The following ETFB variants were observed in gnomAD, a reference collection of about 807,000 sequenced individuals.
ETFB encodes beta-ETF.
A neutral mutation model predicts 25.6 loss-of-function variants in ETFB; 20 were observed. That is an observed-to-expected ratio of 0.78 (90% CI 0.55 to 1.14). ETFB has a LOEUF of 1.14. ETFB is among the 50% of genes most tolerant of loss of function. ETFB has a pLI of 0.00. For missense variants in ETFB, 286 were observed against 342.6 expected (o/e 0.83, Z 1.30); for synonymous variants, 142 against 146.7 (o/e 0.97, Z 0.23).
intron 1 of ETFB, among the ~76,000 whole-genome samples, chr19:51,357,490 C>CTTTTT (rs59847031): frequency 1.8e-5 from 2 of 109,140 alleles, no homozygotes; most frequent in South Asian, 3.1e-4. Flanking sequence ...TTCTTTCTTT[C>CTTTTT]TTTTTTTTTT....
At chr19:51,364,762 A>G (rs1986310994) in intron 1 of ETFB, among the ~76,000 whole-genome samples, 1 of 152,206 alleles carries the variant, frequency 6.6e-6, no homozygotes, top group Non-Finnish European at 1.5e-5. Flanking sequence ...TCATTAGGAC[A>G]GGGGGCATTG....
Position 51,366,362 on chromosome 19 carries a change from C to A in ETFB, c.-36G>T. 4 of 1,605,088 alleles carry A rather than the reference C, an allele frequency of 2.5e-6. No individual in the cohort carries two copies. The highest frequency in any genetic ancestry group is 2.6e-6 in the Non-Finnish European group (3 of 1,175,952). On this transcript the variant is annotated 5_prime_UTR_variant, in exon 1 of 6. Coordinates refer to ENST00000309244, the MANE Select transcript of ETFB (RefSeq NM_001985.3). The stretch of plus-strand genomic sequence containing the variant: ...CAGCCACTTACAGGGTCAGCCCGCA[C>A]CCTCAGCGGCTCAGTCCAGAAGCCC...
chr19:51,361,696 G>GT (rs1568470352), intron 1 of ETFB: 1,429 of 125,652 alleles, frequency 0.011, 24 homozygotes, highest in African/African-American at 0.043. Flanking sequence ...GCCTCTCCTG[G>GT]GTTTTTTTTT....
In ETFB at chr19:51,353,250, C is replaced by G. The variant is rs143568332; in HGVS notation, c.257G>C (p.Gly86Ala). ...RTALAMGADRGIHVEVPPAEA... is the reference protein window; with the variant it reads ...RTALAMGADRAIHVEVPPAEA... ...TGCTGGGGGCACCTCCACGTGGATA[C>G]CTCGGTCTGCACCCATGGCCAGGGC... is the stretch of plus-strand genomic sequence containing the variant. The change falls in exon 3 of 6, where the codon GGT becomes GCT. Residue 86 changes from glycine (G) to alanine (A), a missense_variant. Coordinates refer to ENST00000309244, the MANE Select transcript of ETFB (RefSeq NM_001985.3). 1.9e-5 allele frequency: 30 copies of G among 1,613,972 alleles called. No homozygotes were observed. Among genetic ancestry groups the G allele is most frequent in the Non-Finnish European group, 3.4e-6 (4 of 1,180,014 alleles).
intron 4 of ETFB, among the ~76,000 whole-genome samples, chr19:51,349,694 C>T (rs1985884144): frequency 1.3e-5 from 2 of 152,130 alleles, no homozygotes; most frequent in East Asian, 1.9e-4. Flanking sequence ...ATCCTCCCAC[C>T]GTGGCCTCCC....
At chr19:51,350,448 A>T in intron 3 of ETFB, 57 bp from the exon 4 acceptor site, 1 of 935,340 alleles carries the variant, frequency 1.1e-6, no homozygotes, top group African/African-American at 1.6e-5. Context: ...TGGACCATTC[A>T]GGCCTCTGTC....
intron 1 of ETFB, among the ~76,000 whole-genome samples, chr19:51,357,580 C>T (rs919739883): frequency 1.4e-5 from 2 of 147,938 alleles, no homozygotes; most frequent in Non-Finnish European, 3.0e-5. Context: ...ACCTCTGCCT[C>T]CCCAGTTCAA....
intron 1 of ETFB, among the ~76,000 whole-genome samples, chr19:51,358,835 A>ACC (rs1192678258): frequency 6.8e-6 from 1 of 147,508 alleles, no homozygotes; most frequent in Non-Finnish European, 1.5e-5. Flanking sequence ...CAACAACAAA[A>ACC]AAAAAAAAAA....
At chr19:51,362,794 A>C (rs10410352) in intron 1 of ETFB, among the ~76,000 whole-genome samples, 152,152 of 152,274 alleles carry the variant, frequency 1, 76,016 homozygotes, top group Non-Finnish European at 1. Context: ...TCTAGTAGTG[A>C]ACCCACTGTC....
intron 3 of ETFB, among the ~76,000 whole-genome samples, chr19:51,352,244 G>A (rs1985948538): frequency 6.6e-6 from 1 of 152,006 alleles, no homozygotes; most frequent in Non-Finnish European, 1.5e-5. Flanking sequence ...TGCACCTAGT[G>A]CTGATCCCAC....
rs758137319 is a variant in ETFB, at chr19:51,353,144, CA to C, written c.362del (p.Leu121ArgfsTer17). 1 of 1,614,070 alleles carries C rather than the reference CA, an allele frequency of 6.2e-7. No homozygotes were observed. Among genetic ancestry groups the C allele is most frequent in the South Asian group, 1.1e-5 (1 of 91,092 alleles). On this transcript the variant is annotated frameshift_variant, in exon 3 of 6. Transcript: ENST00000309244. LOFTEE classifies it high-confidence loss of function. ...LAEKEKVDLV[L>X]LGKQAIDDDC... ...TGACCACAGCTACCTGTTTGCCCAG[CA>C]GCACCAGGTCCACCTTCTCCTTCTC...
In ETFB at chr19:51,354,304, C is replaced by A. The variant is rs369216610; in HGVS notation, c.62G>T (p.Arg21Leu). 5 of 1,614,002 alleles carry A rather than the reference C, an allele frequency of 3.1e-6. No individual in the cohort carries two copies. In the African/African-American group the frequency reaches 5.3e-5, roughly 17 times the overall value. The change falls in exon 2 of 6, where the codon CGA (arginine) becomes CTA (leucine). Residue 21 changes from arginine to leucine, a missense_variant. Coordinates refer to ENST00000309244, the MANE Select transcript of ETFB (RefSeq NM_001985.3). Reference protein sequence around the residue: ...KRVIDYAVKIRVKPDRTGVVT... With the variant: ...KRVIDYAVKILVKPDRTGVVT... ...CACACCGGTCCTGTCAGGCTTCACT[C>A]GGATCTGCCCAGCAGGAGGGGAAGG...
chr19:51,350,370 GGTTACA>G lies in ETFB; in HGVS notation c.391_396del (p.Cys131_Asn132del). 1 of 1,595,124 alleles carries G rather than the reference GGTTACA, an allele frequency of 6.3e-7. No homozygotes were observed. Among genetic ancestry groups the G allele is most frequent in the East Asian group, 2.2e-5 (1 of 44,780 alleles). Reference sequence around the variant, plus strand: ...AATCCAGCTGTCATCTGCCCTGTCTGGTTACAGTCATCATCGATGGCCTGAATGGGG... The same window carrying G: ...AATCCAGCTGTCATCTGCCCTGTCTGGTCATCATCGATGGCCTGAATGGGG... On this transcript the variant is annotated inframe_deletion, in exon 4 of 6. Coordinates refer to ENST00000309244, the MANE Select transcript of ETFB (RefSeq NM_001985.3).
intron 4 of ETFB, 46 bp from the exon 5 acceptor site, chr19:51,347,104 G>C (rs771139953): frequency 1.5e-5 from 24 of 1,605,618 alleles, no homozygotes; most frequent in Middle Eastern, 1.6e-4. Flanking sequence ...GCTAATTCAG[G>C]TCCGACCCGA....
In ETFB at chr19:51,349,447, C is replaced by CTTTTTT. The variant is rs11428639; in HGVS notation, c.438+876_438+881dup. Among the ~76,000 whole-genome samples the CTTTTTT allele has an allele frequency of 4.5e-5, 6 of 134,226 alleles. 3 individuals carry two copies. Among genetic ancestry groups the CTTTTTT allele is most frequent in the Non-Finnish European group, 6.2e-5 (4 of 64,592 alleles). 88.1% of individuals were successfully genotyped at this position (134,226 alleles called of 152,430 possible). ...TTAAATTTGTCTATGTGCCTTGCTT[C>CTTTTTT]TTTTTTTTTTTTTCTTTTGAGACAG... On this transcript the variant is annotated intron_variant, in intron 4 of 5. Coordinates refer to ENST00000309244, the MANE Select transcript of ETFB (RefSeq NM_001985.3).
chr19:51,359,596 C>T (rs183262016), intron 1 of ETFB, among the ~76,000 whole-genome samples: 8 of 152,014 alleles, frequency 5.3e-5, no homozygotes, highest in East Asian at 1.9e-4. Flanking sequence ...CACACACACA[C>T]GCACGCACAC....
intron 1 of ETFB, chr19:51,354,571 CCT>C: frequency 6.2e-7 from 1 of 1,614,196 alleles, no homozygotes; most frequent in Non-Finnish European, 8.5e-7. Flanking sequence ...TGTCACTGCT[CCT>C]CTCAGGCCTG....
chr19:51,353,322 C>T (rs1386670023), intron 2 of ETFB, 32 bp from the exon 3 acceptor site: 1 of 1,613,362 alleles, frequency 6.2e-7, no homozygotes, highest in Non-Finnish European at 8.5e-7. Flanking sequence ...GACTTGGCTG[C>T]TATCCTCAGG....
chr19:51,363,865 G>A (rs1316659434), intron 1 of ETFB, among the ~76,000 whole-genome samples: 1 of 152,184 alleles, frequency 6.6e-6, no homozygotes, highest in African/African-American at 2.4e-5. Flanking sequence ...GCCGCGGCCT[G>A]GTCTGTCAGG....
Sources: gnomAD v4.1 joint callset for allele counts (sites outside exome capture counted in the v4.1 genomes callset) on GRCh38, gnomAD v4.1.1 for gene constraint, MANE v1.5 for transcripts, NCBI Gene and HGNC (gene_info 2026-07-23, HGNC 2026-07-21) for gene names.